Variants in PDE10A observed in about 807,000 individuals in gnomAD.
PDE10A encodes cAMP and cAMP-inhibited cGMP 3',5'-cyclic phosphodiesterase 10A.
PDE10A carries 39 observed loss-of-function variants against 97.7 expected under a neutral mutation model. The ratio of observed to expected loss-of-function variants is 0.40; its 90% CI spans 0.31 to 0.52. The LOEUF (loss-of-function observed/expected upper bound fraction) is 0.52. PDE10A is among the 20% of genes least tolerant of loss of function. The pLI is 0.56. For synonymous variants in PDE10A, 371 were observed against 376.8 expected (o/e 0.98, Z 0.18); for missense variants, 731 against 1,047.8 (o/e 0.70, Z 4.17).
At chr6:165,707,611 TGCATGTGTGA>T (rs1191806411) in intron 1 of PDE10A, among the ~76,000 whole-genome samples, 1 of 152,054 alleles carries the variant, frequency 6.6e-6, no homozygotes, top group Non-Finnish European at 1.5e-5. Flanking sequence ...ACAGTGTGTG[TGCATGTGTGA>T]GCATGTGTTG....
At chr6:165,519,023 A>T (rs1781982975) in intron 2 of PDE10A, among the ~76,000 whole-genome samples, 1 of 152,206 alleles carries the variant, frequency 6.6e-6, no homozygotes, top group Non-Finnish European at 1.5e-5. Context: ...GAATAAAAAG[A>T]AAGATGAGGG....
chr6:165,653,185 T>A (rs751353815), intron 1 of PDE10A, among the ~76,000 whole-genome samples: 2 of 152,244 alleles, frequency 1.3e-5, no homozygotes, highest in Non-Finnish European at 2.9e-5. Context: ...TCAGTCATAT[T>A]CCCTCACTTA....
chr6:165,898,626 G>A (rs553030754), intron 1 of PDE10A, among the ~76,000 whole-genome samples: 1 of 151,868 alleles, frequency 6.6e-6, no homozygotes, highest in Admixed American at 6.6e-5. Context: ...CCCATACCCT[G>A]AGGGCATCTA....
In PDE10A at chr6:165,945,175, G is replaced by A. The variant is rs139081185; in HGVS notation, c.-615+42354C>T. 3.9e-3 allele frequency among the ~76,000 whole-genome samples: 599 copies of A among 152,244 alleles called. 1 individual carries two copies. The highest frequency in any genetic ancestry group is 0.014 in the Middle Eastern group (4 of 294). On this transcript the variant is annotated intron_variant, in intron 1 of 19. Transcript: ENST00000366882. ...TTGCTCAGTGGGCCACCTGCTTTGG[G>A]GAGGGCCAGCCTCCACATTGAATGG...
intron 18 of PDE10A, among the ~76,000 whole-genome samples, chr6:165,366,210 A>G (rs1034289664): frequency 2.0e-5 from 3 of 152,210 alleles, no homozygotes; most frequent in African/African-American, 7.2e-5. Context: ...AGTCATGCAC[A>G]TATTAGAATG....
chr6:165,709,517 CCCCA>C, intron 1 of PDE10A, among the ~76,000 whole-genome samples: 1 of 122,542 alleles, frequency 8.2e-6, no homozygotes, highest in Non-Finnish European at 1.7e-5. Flanking sequence ...AACTCTCCAC[CCCCA>C]TGCTGCTTCG....
At chr6:165,947,730 CT>C (rs1783819313) in intron 1 of PDE10A, among the ~76,000 whole-genome samples, 1 of 152,186 alleles carries the variant, frequency 6.6e-6, no homozygotes. Flanking sequence ...GCTATAACCA[CT>C]GCTACTTTTG....
At chr6:165,591,364 T>C (rs928095115) in intron 1 of PDE10A, among the ~76,000 whole-genome samples, 8 of 152,250 alleles carry the variant, frequency 5.3e-5, no homozygotes, top group South Asian at 2.1e-4. Context: ...AGGTATAAGT[T>C]CTGCACTTGG....
intron 1 of PDE10A, among the ~76,000 whole-genome samples, chr6:165,590,778 C>G (rs1369867817): frequency 1.3e-5 from 2 of 152,124 alleles, no homozygotes; most frequent in Non-Finnish European, 2.9e-5. Context: ...GTAGTCCCAG[C>G]TACTCAGGAG....
intron 5 of PDE10A, among the ~76,000 whole-genome samples, chr6:165,446,758 T>G (rs3778250): frequency 0.22 from 32,713 of 152,084 alleles, 4,239 homozygotes; most frequent in Middle Eastern, 0.31. Context: ...AATTTTGCTA[T>G]GTACCCTGCT....
At chr6:165,737,816 G>GA (rs1792616350) in intron 1 of PDE10A, among the ~76,000 whole-genome samples, 1 of 152,058 alleles carries the variant, frequency 6.6e-6, no homozygotes, top group Admixed American at 6.6e-5. Flanking sequence ...AATTAGGCAA[G>GA]AAAAAGGAAT....
intron 9 of PDE10A, among the ~76,000 whole-genome samples, chr6:165,429,075 A>G (rs952444152): frequency 6.6e-6 from 1 of 152,130 alleles, no homozygotes; most frequent in Non-Finnish European, 1.5e-5. Context: ...TAAAATACAA[A>G]TATTTAAATG....
intron 1 of PDE10A, among the ~76,000 whole-genome samples, chr6:165,929,351 T>C (rs996654983): frequency 4.6e-5 from 7 of 152,210 alleles, no homozygotes; most frequent in Non-Finnish European, 1.0e-4. Context: ...CAGATGTGTT[T>C]GTTTGCTTCT....
chr6:165,760,564 G>A (rs541842699), intron 1 of PDE10A, among the ~76,000 whole-genome samples: 31 of 152,294 alleles, frequency 2.0e-4, no homozygotes, highest in Middle Eastern at 3.4e-3. Flanking sequence ...TGTTGAATGG[G>A]TGAATGAATA....
intron 1 of PDE10A, among the ~76,000 whole-genome samples, chr6:165,778,713 A>G (rs758081793): frequency 6.6e-6 from 1 of 152,246 alleles, no homozygotes; most frequent in Non-Finnish European, 1.5e-5. Flanking sequence ...ATCCTCACCA[A>G]CTTTTAAATT....
At chr6:165,800,286 C>A (rs1361209530) in intron 1 of PDE10A, among the ~76,000 whole-genome samples, 1 of 152,150 alleles carries the variant, frequency 6.6e-6, no homozygotes, top group African/African-American at 2.4e-5. Context: ...AAGGCTCGTT[C>A]TACTAAAGGG....
intron 1 of PDE10A, among the ~76,000 whole-genome samples, chr6:165,953,971 A>G (rs1424498316): frequency 1.3e-5 from 2 of 152,156 alleles, no homozygotes; most frequent in Non-Finnish European, 2.9e-5. Flanking sequence ...ATGTCTCCAT[A>G]GTTTCATCTT....
At chr6:165,810,719 G>A (rs181073590) in intron 1 of PDE10A, among the ~76,000 whole-genome samples, 14 of 152,000 alleles carry the variant, frequency 9.2e-5, no homozygotes, top group South Asian at 4.2e-4. Context: ...TGTTCTGCTC[G>A]CTCAGTCTCT....
chr6:165,718,188 A>G (rs1296495887), intron 1 of PDE10A: 3 of 151,964 alleles, frequency 2.0e-5, no homozygotes, highest in Non-Finnish European at 2.9e-5. Context: ...CTTTTTTCCT[A>G]TGTTTTCTTC....
Sources: allele counts gnomAD v4.1 joint callset (sites outside exome capture counted in the v4.1 genomes callset), GRCh38; gene constraint gnomAD v4.1.1; transcripts MANE v1.5; gene names NCBI Gene and HGNC (gene_info 2026-07-23, HGNC 2026-07-21).